Variants in SHISA9 observed in about 807,000 individuals in gnomAD.
The protein encoded by SHISA9 is protein shisa-9.
In SHISA9, 13 loss-of-function variants were observed where a neutral mutation model predicts 38.0. The observed-to-expected ratio is 0.34, with a 90% CI of 0.22 to 0.54. The LOEUF (loss-of-function observed/expected upper bound fraction) is 0.54. SHISA9 is among the 20% of genes least tolerant of loss of function. SHISA9 has a pLI of 0.91. For missense variants in SHISA9, 538 were observed against 575.8 expected (o/e 0.93, Z 0.67); for synonymous variants, 275 against 242.0 (o/e 1.14, Z -1.27).
chr16:13,488,263 A>T, the SHISA9 span, among the ~76,000 whole-genome samples: 1 of 151,286 alleles, frequency 6.6e-6, no homozygotes, highest in South Asian at 2.1e-4. Context: ...AAAAAAAAGG[A>T]ATTAGTTATA....
downstream of SHISA9, among the ~76,000 whole-genome samples, chr16:13,241,960 G>A (rs1406773679): frequency 2.0e-5 from 3 of 152,182 alleles, no homozygotes; most frequent in East Asian, 1.9e-4. Context: ...TGTGAGGAGA[G>A]CCACACTATT....
chr16:13,038,818 T>G (rs543144878), intron 2 of SHISA9, among the ~76,000 whole-genome samples: 19 of 152,226 alleles, frequency 1.2e-4, no homozygotes, highest in Non-Finnish European at 1.9e-4. Context: ...ACTACTGAAT[T>G]ACTAGTGTCT....
At chr16:13,153,153 C>T (rs952604470) in intron 2 of SHISA9, among the ~76,000 whole-genome samples, 32 of 152,034 alleles carry the variant, frequency 2.1e-4, no homozygotes, top group African/African-American at 7.7e-4. Flanking sequence ...CCCAGTGAAA[C>T]CCATTTTGGA....
At chr16:12,920,184 G>A (rs545699038) in intron 2 of SHISA9, among the ~76,000 whole-genome samples, 2 of 148,976 alleles carry the variant, frequency 1.3e-5, no homozygotes, top group South Asian at 2.1e-4. Flanking sequence ...GGTACGGGGA[G>A]GGGGGAGGGA....
chr16:13,143,482 C>T (rs756056627), intron 2 of SHISA9, among the ~76,000 whole-genome samples: 6 of 152,104 alleles, frequency 3.9e-5, no homozygotes, highest in African/African-American at 7.2e-5. Context: ...GAGGAAAGGC[C>T]AGTGGGTCAG....
At chr16:12,912,166 C>G (rs1362603551) in intron 1 of SHISA9, among the ~76,000 whole-genome samples, 1 of 152,026 alleles carries the variant, frequency 6.6e-6, no homozygotes, top group Non-Finnish European at 1.5e-5. Flanking sequence ...CATACCAAAT[C>G]GGTTTATGCA....
chr16:13,031,430 G>C (rs980582205), intron 2 of SHISA9, among the ~76,000 whole-genome samples: 1 of 152,198 alleles, frequency 6.6e-6, no homozygotes. Flanking sequence ...GCCTGAGGTA[G>C]AGTGGCCAGT....
chr16:12,903,140 C>CGAGGGAGGTG (rs2071043659), intron 1 of SHISA9: 1 of 154,616 alleles, frequency 6.5e-6, no homozygotes, highest in Non-Finnish European at 1.4e-5. Flanking sequence ...GAAAAGGAGA[C>CGAGGGAGGTG]GAGGGAGGTG....
At chr16:12,935,579 G>T (rs951135201) in intron 2 of SHISA9, among the ~76,000 whole-genome samples, 37 of 152,136 alleles carry the variant, frequency 2.4e-4, no homozygotes, top group African/African-American at 8.9e-4. Flanking sequence ...CGGGCCCAGG[G>T]GCTCACGCTG....
chr16:12,902,684 C>T (rs1395062544), intron 1 of SHISA9, 57 bp downstream of exon 1: 3 of 1,432,380 alleles, frequency 2.1e-6, no homozygotes, highest in African/African-American at 1.4e-5. Flanking sequence ...GCTCTCTCCT[C>T]CCCACCTTCC....
the SHISA9 span, among the ~76,000 whole-genome samples, chr16:13,338,332 T>C: frequency 2.0e-5 from 3 of 152,090 alleles, no homozygotes; most frequent in Non-Finnish European, 4.4e-5. Context: ...GCTCTTTTAC[T>C]TGCAACAGAA....
chr16:13,530,960 A>G, the SHISA9 span, among the ~76,000 whole-genome samples: 1 of 152,216 alleles, frequency 6.6e-6, no homozygotes, highest in South Asian at 2.1e-4. Context: ...TGATCTCCAC[A>G]TGATGCCTGG....
the SHISA9 span, among the ~76,000 whole-genome samples, chr16:13,370,914 T>C: frequency 6.6e-6 from 1 of 152,164 alleles, no homozygotes; most frequent in African/African-American, 2.4e-5. Context: ...GCACTTTTCT[T>C]AGTGCTTTAA....
At chr16:13,207,045 C>A (rs1300910781) in intron 3 of SHISA9, among the ~76,000 whole-genome samples, 1 of 152,154 alleles carries the variant, frequency 6.6e-6, no homozygotes, top group Admixed American at 6.6e-5. Flanking sequence ...TTTAAAAAAT[C>A]AACAGGCCAG....
chr16:13,487,964 C>A, the SHISA9 span, among the ~76,000 whole-genome samples: 1 of 152,128 alleles, frequency 6.6e-6, no homozygotes, highest in Non-Finnish European at 1.5e-5. Flanking sequence ...TCTTTTAAAG[C>A]AAGGGATCTC....
the SHISA9 span, among the ~76,000 whole-genome samples, chr16:13,484,067 C>T: frequency 6.6e-6 from 1 of 152,054 alleles, no homozygotes; most frequent in Non-Finnish European, 1.5e-5. Context: ...GGTAACTGAG[C>T]CGTCAATCAG....
intron 2 of SHISA9, among the ~76,000 whole-genome samples, chr16:12,931,364 G>A (rs1424806021): frequency 1.3e-5 from 2 of 152,198 alleles, no homozygotes; most frequent in African/African-American, 2.4e-5. Context: ...GGTCCGGGGT[G>A]CAAATGATCC....
At chr16:12,971,075 C>A (rs2072075116) in intron 2 of SHISA9, among the ~76,000 whole-genome samples, 1 of 152,204 alleles carries the variant, frequency 6.6e-6, no homozygotes, top group Non-Finnish European at 1.5e-5. Context: ...TCGAAAGACA[C>A]CCACCTGGGA....
the SHISA9 span, among the ~76,000 whole-genome samples, chr16:13,557,875 C>T: frequency 6.6e-6 from 1 of 152,082 alleles, no homozygotes; most frequent in Non-Finnish European, 1.5e-5. Context: ...GGCAGCTCCT[C>T]AAACATGAAA....
Sources: allele counts gnomAD v4.1 joint callset (sites outside exome capture counted in the v4.1 genomes callset), GRCh38; gene constraint gnomAD v4.1.1; transcripts MANE v1.5; gene names NCBI Gene and HGNC (gene_info 2026-07-23, HGNC 2026-07-21).